Variants in NSMCE2 observed in about 807,000 individuals in gnomAD.
The protein encoded by NSMCE2 is E3 SUMO-protein ligase NSE2.
A neutral mutation model predicts 23.8 loss-of-function variants in NSMCE2; 24 were observed. The observed-to-expected ratio is 1.01, with a 90% CI of 0.73 to 1.42. The LOEUF (loss-of-function observed/expected upper bound fraction) is 1.42, where lower values mean the gene tolerates loss of function less well. NSMCE2 is among the 40% of genes most tolerant of loss of function. The pLI is 0.00. For synonymous variants in NSMCE2, 92 were observed against 94.1 expected (o/e 0.98, Z 0.13); for missense variants, 284 against 296.5 (o/e 0.96, Z 0.31).
intron 3 of NSMCE2, among the ~76,000 whole-genome samples, chr8:125,112,382 A>G (rs1818802224): frequency 1.3e-5 from 2 of 152,204 alleles, no homozygotes; most frequent in African/African-American, 2.4e-5. Context: ...TGATCTAGCA[A>G]TCCCAGTAAT....
At chr8:125,328,905 G>T (rs1829774310) in intron 5 of NSMCE2, among the ~76,000 whole-genome samples, 1 of 152,124 alleles carries the variant, frequency 6.6e-6, no homozygotes, top group Non-Finnish European at 1.5e-5. Flanking sequence ...GTTTCAGTGA[G>T]ACCCGAAGTC....
intron 5 of NSMCE2, among the ~76,000 whole-genome samples, chr8:125,231,623 A>G (rs1825326679): frequency 6.6e-6 from 1 of 152,206 alleles, no homozygotes; most frequent in Non-Finnish European, 1.5e-5. Flanking sequence ...GTGGATTAGA[A>G]AACACCAGTG....
intron 5 of NSMCE2, among the ~76,000 whole-genome samples, chr8:125,332,527 G>A (rs773871541): frequency 1.2e-4 from 18 of 152,220 alleles, no homozygotes; most frequent in Non-Finnish European, 2.5e-4. Context: ...CTGGTGCATA[G>A]TAAGCTTTCA....
chr8:125,226,009 G>A (rs1457636332), intron 5 of NSMCE2, among the ~76,000 whole-genome samples: 2 of 152,110 alleles, frequency 1.3e-5, no homozygotes, highest in South Asian at 2.1e-4. Flanking sequence ...TAGCACCTGC[G>A]TATATAACAC....
chr8:125,179,330 C>T (rs13273421), intron 4 of NSMCE2, among the ~76,000 whole-genome samples: 8,722 of 152,196 alleles, frequency 0.057, 391 homozygotes, highest in South Asian at 0.15. Context: ...GAGCCCGACC[C>T]TGTCTCTTAA....
Position 125,355,867 on chromosome 8 carries a change from A to G in NSMCE2, c.419-1352A>G, listed in dbSNP as rs143548965. On this transcript the variant is annotated intron_variant, in intron 5 of 7. Transcript: ENST00000287437. ...GGTTTGGTTTTTCAGTTGGGGGCCAATGGGATGTAACTCAAAGAACATCAG... is the reference window on the plus strand; with the variant it reads ...GGTTTGGTTTTTCAGTTGGGGGCCAGTGGGATGTAACTCAAAGAACATCAG... 9.3e-3 allele frequency among the ~76,000 whole-genome samples: 1,411 copies of G among 152,190 alleles called. 18 individuals are homozygous for G. Among genetic ancestry groups the G allele is most frequent in the African/African-American group, 0.032 (1,338 of 41,506 alleles).
chr8:125,156,774 A>G (rs66826725), intron 4 of NSMCE2, among the ~76,000 whole-genome samples: 9,773 of 152,282 alleles, frequency 0.064, 422 homozygotes, highest in South Asian at 0.15. Context: ...AGTTTATCTC[A>G]GCTCTCTCAT....
chr8:125,338,846 G>A (rs550590142), intron 5 of NSMCE2, among the ~76,000 whole-genome samples: 76 of 152,322 alleles, frequency 5.0e-4, no homozygotes, highest in African/African-American at 1.8e-3. Flanking sequence ...GACAAGGACC[G>A]AATTAGGCTA....
intron 5 of NSMCE2, among the ~76,000 whole-genome samples, chr8:125,326,522 G>T (rs1829670001): frequency 6.6e-6 from 1 of 152,094 alleles, no homozygotes. Flanking sequence ...AGCTTACAGT[G>T]GTTGTTTCTG....
At chr8:125,265,711 A>G (rs1429360878) in intron 5 of NSMCE2, among the ~76,000 whole-genome samples, 1 of 152,222 alleles carries the variant, frequency 6.6e-6, no homozygotes, top group African/African-American at 2.4e-5. Context: ...AGCCTGTGTT[A>G]GAACCAAGAC....
chr8:125,358,044 A>G (rs543076662), intron 7 of NSMCE2, among the ~76,000 whole-genome samples: 4 of 152,216 alleles, frequency 2.6e-5, no homozygotes, highest in Non-Finnish European at 5.9e-5. Context: ...CCTTCAAAAC[A>G]GAATAAGGCC....
At chr8:125,128,325 A>G (rs986894307) in intron 3 of NSMCE2, among the ~76,000 whole-genome samples, 2 of 152,166 alleles carry the variant, frequency 1.3e-5, no homozygotes, top group African/African-American at 4.8e-5. Context: ...GTTCCCAGCT[A>G]TTAGGTAGTA....
At chr8:125,177,117 C>A (rs950206206) in intron 4 of NSMCE2, among the ~76,000 whole-genome samples, 5 of 152,214 alleles carry the variant, frequency 3.3e-5, no homozygotes, top group Non-Finnish European at 5.9e-5. Flanking sequence ...CCTCTACCCA[C>A]AACTTTGTTA....
At chr8:125,122,553 C>G (rs1304324303) in intron 3 of NSMCE2, among the ~76,000 whole-genome samples, 1 of 152,124 alleles carries the variant, frequency 6.6e-6, no homozygotes, top group Non-Finnish European at 1.5e-5. Flanking sequence ...GACTTCCTCT[C>G]CCTAGAATGC....
chr8:125,290,819 C>T (rs577295391), intron 5 of NSMCE2, among the ~76,000 whole-genome samples: 1 of 152,250 alleles, frequency 6.6e-6, no homozygotes, highest in South Asian at 2.1e-4. Context: ...CCCAAGGAAG[C>T]ATAAAGTAAA....
chr8:125,287,756 T>C (rs1827957175), intron 5 of NSMCE2, among the ~76,000 whole-genome samples: 1 of 152,184 alleles, frequency 6.6e-6, no homozygotes. Flanking sequence ...ACTTGTTTAC[T>C]TCCATTTACT....
At chr8:125,174,778 C>T (rs1822397194) in intron 4 of NSMCE2, among the ~76,000 whole-genome samples, 1 of 152,144 alleles carries the variant, frequency 6.6e-6, no homozygotes, top group Non-Finnish European at 1.5e-5. Flanking sequence ...CCGTGAAGTC[C>T]ACTTGATGTG....
chr8:125,340,061 C>G (rs1306606984), intron 5 of NSMCE2, among the ~76,000 whole-genome samples: 1 of 125,754 alleles, frequency 8.0e-6, no homozygotes, highest in Non-Finnish European at 1.6e-5. Context: ...GTGGCCCAGG[C>G]GGGAGTGCAG....
At chr8:125,358,421 A>G (rs991701706) in intron 7 of NSMCE2, among the ~76,000 whole-genome samples, 1 of 150,672 alleles carries the variant, frequency 6.6e-6, no homozygotes, top group African/African-American at 2.4e-5. Flanking sequence ...AATCTTTATA[A>G]ATAGACATAA....
Sources: gnomAD v4.1 joint callset for allele counts (sites outside exome capture counted in the v4.1 genomes callset) on GRCh38, gnomAD v4.1.1 for gene constraint, MANE v1.5 for transcripts, NCBI Gene and HGNC (gene_info 2026-07-23, HGNC 2026-07-21) for gene names.